Variants in DMD observed in about 807,000 individuals in gnomAD.
The protein encoded by DMD is mutant dystrophin.
Under a neutral mutation model 330.1 loss-of-function variants are expected in DMD, and 63 were observed. That is an observed-to-expected ratio of 0.19 (90% CI 0.16 to 0.24). The LOEUF (loss-of-function observed/expected upper bound fraction) is 0.24. DMD is among the 10% of genes least tolerant of loss of function. DMD has a pLI of 1.00. For missense variants in DMD, 3,344 were observed against 2,684.1 expected, an observed-to-expected ratio of 1.25 and a Z score of -5.43; for synonymous variants, 1,223 against 959.8, an observed-to-expected ratio of 1.27 and a Z score of -5.07.
At chrX:32,993,152 A>G (rs1002914126) in intron 2 of DMD, among the ~76,000 whole-genome samples, 6 of 111,498 alleles carry the variant, frequency 5.4e-5, no homozygotes, top group African/African-American at 2.0e-4. Flanking sequence ...AAGAGGAAAA[A>G]GCCTACAGTT....
chrX:32,708,761 A>G (rs993098694), intron 7 of DMD, among the ~76,000 whole-genome samples: 57 of 111,545 alleles, frequency 5.1e-4, no homozygotes, highest in African/African-American at 1.8e-3. Context: ...TACAACACTG[A>G]TGTGACTCTC....
chrX:32,525,325 C>G (rs757138393), intron 17 of DMD, among the ~76,000 whole-genome samples: 1 of 111,605 alleles, frequency 9.0e-6, no homozygotes, highest in South Asian at 3.8e-4. Flanking sequence ...CAGCTACTAG[C>G]ATTGTTTTCT....
chrX:32,014,061 G>C (rs1365819890), intron 44 of DMD, among the ~76,000 whole-genome samples: 1 of 112,030 alleles, frequency 8.9e-6, no homozygotes, highest in Non-Finnish European at 1.9e-5. Flanking sequence ...CTAATGAAAA[G>C]TTCTGATATT....
Position 32,462,115 on chromosome X carries a change from C to G in DMD, c.3432+1324G>C, listed in dbSNP as rs183647485. On this transcript the variant is annotated intron_variant, in intron 25 of 78. Transcript: ENST00000357033. ...AATTTCCAAAAAGGTACAGTAGTTC[C>G]CTTGTATCTTTGGAAGATATGTTCA... is the stretch of plus-strand genomic sequence containing the variant. Among the ~76,000 whole-genome samples the G allele has an allele frequency of 1.1e-4, 12 of 111,345 alleles. 1 individual carries two copies. Among genetic ancestry groups the G allele is most frequent in the Admixed American group, 9.6e-4 (10 of 10,415 alleles).
At chrX:31,644,822 T>G (rs993440529) in intron 54 of DMD, among the ~76,000 whole-genome samples, 2 of 111,480 alleles carry the variant, frequency 1.8e-5, no homozygotes, top group African/African-American at 6.5e-5. Context: ...CAGGAATAGT[T>G]GCTAAGAGTT....
At chrX:31,925,238 T>G (rs780085254) in intron 47 of DMD, among the ~76,000 whole-genome samples, 2 of 111,975 alleles carry the variant, frequency 1.8e-5, no homozygotes, top group Non-Finnish European at 3.8e-5. Context: ...TCACTTGAGC[T>G]TCACCAAAAG....
chrX:31,544,721 C>T (rs751263649), intron 55 of DMD, among the ~76,000 whole-genome samples: 1 of 111,343 alleles, frequency 9.0e-6, no homozygotes, highest in South Asian at 3.8e-4. Context: ...AATAAATTCG[C>T]ATGCTTTTAT....
At chrX:31,595,192 A>G (rs2077056480) in intron 55 of DMD, among the ~76,000 whole-genome samples, 1 of 111,570 alleles carries the variant, frequency 9.0e-6, no homozygotes, top group South Asian at 3.7e-4. Context: ...ACATTAATGC[A>G]TTGAATTCCA....
At chrX:32,298,712 T>A (rs2097508024) in intron 42 of DMD, among the ~76,000 whole-genome samples, 1 of 110,445 alleles carries the variant, frequency 9.1e-6, no homozygotes, top group Non-Finnish European at 1.9e-5. Flanking sequence ...TAAATCAAAC[T>A]TTGACACAAA....
At position 31,888,732 on chromosome X, in the gene DMD, A is replaced by G. The variant is rs186982727; in HGVS notation, c.6913-13359T>C. 3.6e-5 allele frequency among the ~76,000 whole-genome samples: 4 copies of G among 112,156 alleles called. No individual in the cohort carries two copies. The Admixed American group carries it at 3.8e-4, about 11-fold the overall frequency. On this transcript the variant is annotated intron_variant, in intron 47 of 78. Coordinates refer to ENST00000357033, the MANE Select transcript of DMD (RefSeq NM_004006.3). ...TTATTTTCTTTCCCTCTGGAAATTT[A>G]ATAAAATAATGATGAATATATGACT...
At chrX:33,289,454 CAT>C (rs1256135310) in intron 1 of DMD, among the ~76,000 whole-genome samples, 1 of 111,392 alleles carries the variant, frequency 9.0e-6, no homozygotes, top group Non-Finnish European at 1.9e-5. Context: ...AAACTGTACA[CAT>C]GTTCTATAAG....
chrX:32,797,726 T>C (rs2076276368), intron 7 of DMD, among the ~76,000 whole-genome samples: 2 of 111,945 alleles, frequency 1.8e-5, no homozygotes, highest in Admixed American at 1.9e-4. Flanking sequence ...TTCTCATTAT[T>C]AATTTATTAA....
At chrX:32,121,713 G>C in intron 44 of DMD, among the ~76,000 whole-genome samples, 1 of 92,556 alleles carries the variant, frequency 1.1e-5, no homozygotes, top group Non-Finnish European at 2.1e-5. Context: ...GAGAGCAGAA[G>C]GGCATTGGAA....
intron 13 of DMD, among the ~76,000 whole-genome samples, chrX:32,594,386 G>T (rs1346676964): frequency 1.8e-5 from 2 of 111,376 alleles, no homozygotes. Flanking sequence ...AGGAAGAGAA[G>T]GCGTGAGATG....
chrX:31,722,980 G>A (rs1228405330), intron 52 of DMD, among the ~76,000 whole-genome samples: 3 of 110,104 alleles, frequency 2.7e-5, no homozygotes, highest in Admixed American at 1.9e-4. Flanking sequence ...TCTGGGAGGC[G>A]GAGTTGCAGT....
At chrX:32,066,629 G>A (rs934690450) in intron 44 of DMD, among the ~76,000 whole-genome samples, 15 of 111,503 alleles carry the variant, frequency 1.3e-4, no homozygotes, top group Middle Eastern at 4.6e-3. Context: ...TTTAACCTCT[G>A]TAGAGAGCAG....
At chrX:32,240,831 G>A (rs746026804) in intron 43 of DMD, among the ~76,000 whole-genome samples, 1 of 111,583 alleles carries the variant, frequency 9.0e-6, no homozygotes, top group African/African-American at 3.3e-5. Flanking sequence ...GGATGAGAGA[G>A]GAGTAGTGTC....
At chrX:32,882,385 TAC>T (rs1341078345) in intron 2 of DMD, among the ~76,000 whole-genome samples, 1 of 112,375 alleles carries the variant, frequency 8.9e-6, no homozygotes, top group African/African-American at 3.2e-5. Flanking sequence ...TATTTTCTGC[TAC>T]AGTCACTCAA....
chrX:32,906,235 G>C (rs374142980), intron 2 of DMD, among the ~76,000 whole-genome samples: 1 of 110,883 alleles, frequency 9.0e-6, no homozygotes, highest in Admixed American at 9.6e-5. Flanking sequence ...AGATCTGGTT[G>C]TTTAAAAGTG....
Sources: gnomAD v4.1 joint callset for allele counts (sites outside exome capture counted in the v4.1 genomes callset) on GRCh38, gnomAD v4.1.1 for gene constraint, MANE v1.5 for transcripts, NCBI Gene and HGNC (gene_info 2026-07-23, HGNC 2026-07-21) for gene names.